Variants in GLIS3 observed in about 807,000 individuals in gnomAD.
GLIS3 encodes zinc finger protein GLIS3.
GLIS3 carries 53 observed loss-of-function variants against 78.6 expected under a neutral mutation model. That is an observed-to-expected ratio of 0.67 (90% CI 0.54 to 0.85). The LOEUF is 0.85. Among genes scored for constraint, GLIS3 ranks in the 40% least tolerant of loss-of-function variants. GLIS3 has a pLI of 0.00. For synonymous variants in GLIS3, 684 were observed against 509.9 expected, an observed-to-expected ratio of 1.34 and a Z score of -4.60; for missense variants, 1,703 against 1,231.1, an observed-to-expected ratio of 1.38 and a Z score of -5.74.
At chr9:4,435,486 G>A in the GLIS3 span, among the ~76,000 whole-genome samples, 3 of 152,140 alleles carry the variant, frequency 2.0e-5, no homozygotes, top group African/African-American at 7.2e-5. Context: ...CGCATCTCCT[G>A]ACCCTTGTCA....
chr9:4,353,574 A>G, the GLIS3 span, among the ~76,000 whole-genome samples: 1 of 152,184 alleles, frequency 6.6e-6, no homozygotes, highest in South Asian at 2.1e-4. Context: ...TAAGGACTGT[A>G]CTCTGATTCC....
chr9:3,859,350 AACACACACACACACACACACACAC>A (rs34973607), intron 8 of GLIS3, among the ~76,000 whole-genome samples: 1,602 of 148,954 alleles, frequency 0.011, 30 homozygotes, highest in African/African-American at 0.038. Context: ...GTTTCTTCGA[AACACACACACACACACACACACAC>A]ACACACACAC....
chr9:3,890,012 T>C (rs759216411), intron 7 of GLIS3, among the ~76,000 whole-genome samples: 1 of 152,194 alleles, frequency 6.6e-6, no homozygotes, highest in Non-Finnish European at 1.5e-5. Flanking sequence ...TTTAGACACC[T>C]GAGAGTATAT....
At chr9:4,063,032 CTT>C (rs1826788013) in intron 4 of GLIS3, among the ~76,000 whole-genome samples, 1 of 152,190 alleles carries the variant, frequency 6.6e-6, no homozygotes. Context: ...AATAAACTCT[CTT>C]GACTCTTTAT....
Position 4,118,798 on chromosome 9 carries a change from C to G in GLIS3, c.680G>C (p.Trp227Ser). 1 of 1,610,910 alleles carries G rather than the reference C, an allele frequency of 6.2e-7. No individual in the cohort carries two copies. The highest frequency in any genetic ancestry group is 1.1e-5 in the South Asian group (1 of 91,070). ...SQSASSMKQE[W>S]SQGYRALPSL... Reference sequence around the variant, plus strand: ...AGGGAGGGCCCTGTAGCCCTGGGACCACTCCTGCTTCATGCTTGAGGCCGA... The same window carrying G: ...AGGGAGGGCCCTGTAGCCCTGGGACGACTCCTGCTTCATGCTTGAGGCCGA... Residue 227 changes from tryptophan (W) to serine (S), a missense_variant, in exon 4 of 11, where the codon TGG becomes TCG. Physicochemically the swap from Trp to Ser is radical, Grantham distance 177 (BLOSUM62 -3). Transcript: ENST00000381971. This position sits in a 1 kb window ranked among gnomAD's most constrained non-coding sequence, Gnocchi z 4.7.
At chr9:4,451,283 C>A in the GLIS3 span, among the ~76,000 whole-genome samples, 1 of 152,154 alleles carries the variant, frequency 6.6e-6, no homozygotes, top group East Asian at 1.9e-4. Context: ...GGGATCAATT[C>A]AATAAGAAGA....
chr9:3,860,834 G>A (rs543146226), intron 8 of GLIS3, among the ~76,000 whole-genome samples: 8 of 152,154 alleles, frequency 5.3e-5, no homozygotes, highest in Non-Finnish European at 8.8e-5. Flanking sequence ...CTAAATGTGT[G>A]GCATTGTTCT....
chr9:4,019,759 G>A (rs1461525215), intron 4 of GLIS3, among the ~76,000 whole-genome samples: 1 of 152,094 alleles, frequency 6.6e-6, no homozygotes, highest in Non-Finnish European at 1.5e-5. Flanking sequence ...TAGAGACAGT[G>A]TCTCACTCTG....
At chr9:3,966,294 A>G (rs1417944948) in intron 4 of GLIS3, among the ~76,000 whole-genome samples, 1 of 152,242 alleles carries the variant, frequency 6.6e-6, no homozygotes, top group Non-Finnish European at 1.5e-5. Context: ...ATTATGGGAC[A>G]TGACTATTGT....
chr9:4,016,247 A>G (rs565938270), intron 4 of GLIS3, among the ~76,000 whole-genome samples: 14 of 152,302 alleles, frequency 9.2e-5, no homozygotes, highest in African/African-American at 3.4e-4. Flanking sequence ...TCTCATAAAA[A>G]GCCTTGGACA....
intron 2 of GLIS3, among the ~76,000 whole-genome samples, chr9:4,251,430 T>C (rs117010369): frequency 0.77 from 96,064 of 124,410 alleles, 34,130 homozygotes; most frequent in East Asian, 0.89. Flanking sequence ...GATTGCAATC[T>C]TTTTTTTTTT....
the GLIS3 span, among the ~76,000 whole-genome samples, chr9:4,468,272 G>A: frequency 2.6e-5 from 4 of 152,148 alleles, no homozygotes; most frequent in Admixed American, 6.5e-5. Flanking sequence ...TCAAATTCAG[G>A]AAATACAGAG....
At chr9:3,976,269 A>C (rs1007518989) in intron 4 of GLIS3, among the ~76,000 whole-genome samples, 1 of 152,102 alleles carries the variant, frequency 6.6e-6, no homozygotes, top group Non-Finnish European at 1.5e-5. Flanking sequence ...GAGGCAGGTT[A>C]CCTTCCATAC....
At chr9:4,203,964 A>G (rs925994393) in intron 2 of GLIS3, among the ~76,000 whole-genome samples, 1 of 152,210 alleles carries the variant, frequency 6.6e-6, no homozygotes, top group African/African-American at 2.4e-5. Context: ...TACAGTGGGG[A>G]AAGAGAAATG....
intron 1 of GLIS3, among the ~76,000 whole-genome samples, chr9:4,297,457 G>C (rs967899672): frequency 6.6e-6 from 1 of 152,144 alleles, no homozygotes; most frequent in African/African-American, 2.4e-5. Context: ...CCATACTAAA[G>C]GGACCTGGTC....
At chr9:4,377,761 G>A in the GLIS3 span, among the ~76,000 whole-genome samples, 1 of 152,064 alleles carries the variant, frequency 6.6e-6, no homozygotes, top group African/African-American at 2.4e-5. Flanking sequence ...ATTAGACAAA[G>A]CTAGCAATAA....
chr9:4,255,614 G>A (rs1310862932), intron 2 of GLIS3, among the ~76,000 whole-genome samples: 1 of 152,166 alleles, frequency 6.6e-6, no homozygotes, highest in Non-Finnish European at 1.5e-5. Context: ...GCCAGTCTGA[G>A]AAGGCTACAT....
intron 6 of GLIS3, among the ~76,000 whole-genome samples, chr9:3,907,585 C>A (rs1182148581): frequency 2.7e-5 from 4 of 148,044 alleles, no homozygotes; most frequent in Non-Finnish European, 4.4e-5. Context: ...GAGCCAATGG[C>A]TAGCATCCTC....
At chr9:4,404,910 C>G in the GLIS3 span, among the ~76,000 whole-genome samples, 1 of 151,732 alleles carries the variant, frequency 6.6e-6, no homozygotes, top group African/African-American at 2.4e-5. Flanking sequence ...GAAGACAATA[C>G]AAAAGACCAA....
Sources: allele counts gnomAD v4.1 joint callset (sites outside exome capture counted in the v4.1 genomes callset), GRCh38; gene constraint gnomAD v4.1.1; non-coding constraint Gnocchi (gnomAD v3.1); transcripts MANE v1.5; gene names NCBI Gene and HGNC (gene_info 2026-07-23, HGNC 2026-07-21).